The following MZT2A variants were observed in gnomAD, a reference collection of about 807,000 sequenced individuals.
MZT2A encodes mitotic spindle organizing protein 2A.
In MZT2A, 8 loss-of-function variants were observed where a neutral mutation model predicts 12.4. The ratio of observed to expected loss-of-function variants is 0.64; its 90% CI spans 0.38 to 1.16. The LOEUF (loss-of-function observed/expected upper bound fraction) is 1.16. MZT2A is among the 50% of genes most tolerant of loss of function. The pLI is 0.01. For synonymous variants in MZT2A, 88 were observed against 107.5 expected, an observed-to-expected ratio of 0.82 and a Z score of 1.12; for missense variants, 181 against 223.6, an observed-to-expected ratio of 0.81 and a Z score of 1.22.
downstream of MZT2A, chr2:131,479,950 T>C (rs1363647750): frequency 7.3e-7 from 1 of 1,378,734 alleles, no homozygotes; most frequent in African/African-American, 1.5e-5. Flanking sequence ...TGCATGTTTA[T>C]TATGGATGAT....
intron 2 of MZT2A, chr2:131,490,075 T>G: frequency 3.6e-6 from 3 of 842,810 alleles, no homozygotes; most frequent in Non-Finnish European, 4.3e-6. Flanking sequence ...CCACCCTCTC[T>G]TGGGCCTGAG....
chr2:131,485,201 T>C (rs939173449), intron 2 of MZT2A, among the ~76,000 whole-genome samples: 2 of 152,170 alleles, frequency 1.3e-5, no homozygotes, highest in African/African-American at 4.8e-5. Context: ...GACTCAGTGT[T>C]GGGTCCCCCA....
chr2:131,473,482 TTGGCCACCCTC>T (rs1678535974), intron 2 of MZT2A, among the ~76,000 whole-genome samples: 1 of 150,824 alleles, frequency 6.6e-6, no homozygotes, highest in Non-Finnish European at 1.5e-5. Flanking sequence ...AAGGGCCTGC[TTGGCCACCCTC>T]CAGGGAGATG....
intron 1 of MZT2A, 35 bp from the exon 2 acceptor site, chr2:131,492,059 T>C (rs1295857028): frequency 4.5e-6 from 7 of 1,557,600 alleles, no homozygotes; most frequent in African/African-American, 1.4e-5. Context: ...GTGAGCCCTC[T>C]CCGCCCGGCG....
At chr2:131,486,235 A>C (rs1335462758) in intron 2 of MZT2A, among the ~76,000 whole-genome samples, 26 of 152,042 alleles carry the variant, frequency 1.7e-4, no homozygotes, top group Admixed American at 1.7e-3. Flanking sequence ...CTTGTGGTAC[A>C]AACTGCCATA....
At chr2:131,484,304 T>C (rs1206808388) in intron 2 of MZT2A, 86 bp from the exon 3 acceptor site, 1 of 1,562,024 alleles carries the variant, frequency 6.4e-7, no homozygotes, top group Non-Finnish European at 8.7e-7. Flanking sequence ...TGGGCAACAT[T>C]TGTGTCTACA....
At chr2:131,482,764 G>A (rs781631398), downstream of MZT2A, 8 of 1,614,224 alleles carry the variant, frequency 5.0e-6, no homozygotes, top group East Asian at 1.6e-4. Context: ...AGGCCCGCGA[G>A]GACCTGGCAG....
At chr2:131,479,443 G>A (rs558929422), downstream of MZT2A, 10 of 1,614,004 alleles carry the variant, frequency 6.2e-6, no homozygotes, top group South Asian at 4.4e-5. Flanking sequence ...GTCCTGGACC[G>A]GATCCGCAAA....
chr2:131,479,753 T>C (rs1410794952), downstream of MZT2A, among the ~76,000 whole-genome samples: 1 of 152,044 alleles, frequency 6.6e-6, no homozygotes, highest in Non-Finnish European at 1.5e-5. Context: ...GGCAGGAGAA[T>C]TGCTTGAACC....
chr2:131,492,353 A>C lies in MZT2A; in HGVS notation c.24T>G (p.Pro8=), dbSNP rs752741745. The part of the protein sequence containing the change: MAAQGVG[P]GPGSAAPPGL... ...CCGGGGGCGCCGCCGACCCCGGCCC[A>C]GGCCCTACGCCCTGCGCCGCCATCC... Residue 8 remains proline, a synonymous_variant, in exon 1 of 3, where the codon CCT becomes CCG. Transcript: ENST00000309451. 15 of 1,481,200 alleles carry C rather than the reference A, an allele frequency of 1.0e-5. No individual in the cohort carries two copies. In the South Asian group the frequency reaches 1.8e-4, roughly 18 times the overall value. 91.8% of individuals were successfully genotyped at this position (1,481,200 alleles called of 1,614,324 possible).
chr2:131,490,624 TCAAAGCTG>T, intron 2 of MZT2A: 2 of 1,548,572 alleles, frequency 1.3e-6, no homozygotes, highest in Non-Finnish European at 1.7e-6. Context: ...CCCTTGCAGC[TCAAAGCTG>T]CTTGGGCCTC....
Position 131,490,464 on chromosome 2 carries a change from C to G in MZT2A, c.319+1412G>C, listed in dbSNP as rs566700006. 105 of 1,373,546 alleles carry G rather than the reference C, an allele frequency of 7.6e-5. 2 individuals carry two copies. The South Asian group carries it at 1.5e-3, about 20-fold the overall frequency. The allele number at this position is 1,373,546 out of a possible 1,614,324, so 85.1% of individuals were successfully genotyped here. ...GGGCTCTTTACACTCACCACTAGTT[C>G]GCCTCTGGGGTGTGGGGATGTTGGT... On this transcript the variant is annotated intron_variant, in intron 2 of 2. Transcript: ENST00000309451.
chr2:131,472,921 A>ACCG (rs776065657), intron 2 of MZT2A, among the ~76,000 whole-genome samples: 1 of 149,944 alleles, frequency 6.7e-6, no homozygotes. Context: ...GTCCCCCCCC[A>ACCG]CCAATATTAG....
upstream of MZT2A, chr2:131,493,012 A>G: frequency 2.7e-6 from 4 of 1,496,166 alleles, no homozygotes; most frequent in Non-Finnish European, 3.6e-6. Context: ...AACGGCCCAA[A>G]GAGGTAGAAG....
At chr2:131,483,530 A>G (rs1435569884), downstream of MZT2A, among the ~76,000 whole-genome samples, 2 of 152,018 alleles carry the variant, frequency 1.3e-5, no homozygotes, top group East Asian at 1.9e-4. Context: ...CCTAGCTAAC[A>G]TGGTGAAACC....
At chr2:131,492,162 T>C in intron 1 of MZT2A, 45 bp downstream of exon 1, 1 of 1,534,934 alleles carries the variant, frequency 6.5e-7, no homozygotes, top group Non-Finnish European at 8.8e-7. Context: ...AGAGCAGAGG[T>C]CGGGGGTGTC....
rs917234580 is a variant in MZT2A, at chr2:131,492,356, C to A, written c.21G>T (p.Gly7=). The A allele has an allele frequency of 1.4e-6, 2 of 1,399,514 alleles. No individual in the cohort carries two copies. The highest frequency in any genetic ancestry group is 3.0e-5 in the East Asian group (1 of 33,262). The allele number at this position is 1,399,514 out of a possible 1,614,324, so 86.7% of individuals were successfully genotyped here. A position where few individuals can be genotyped will look rare whatever the true frequency, so the allele number is the denominator to read the frequency against. Residue 7 remains glycine, a synonymous_variant, in exon 1 of 3, where the codon GGG becomes GGT. Coordinates refer to ENST00000309451, the MANE Select transcript of MZT2A (RefSeq NM_001085365.2). MAAQGV[G]PGPGSAAPPG... ...GGGGCGCCGCCGACCCCGGCCCAGGCCCTACGCCCTGCGCCGCCATCCGCG... is the reference window on the plus strand; with the variant it reads ...GGGGCGCCGCCGACCCCGGCCCAGGACCTACGCCCTGCGCCGCCATCCGCG...
chr2:131,493,039 C>T, upstream of MZT2A: 1 of 1,484,766 alleles, frequency 6.7e-7, no homozygotes, highest in African/African-American at 1.4e-5. Context: ...TCCCGCCCGG[C>T]CGCGGGGCGT....
At chr2:131,486,055 G>A (rs1679038700) in intron 2 of MZT2A, among the ~76,000 whole-genome samples, 1 of 151,188 alleles carries the variant, frequency 6.6e-6, no homozygotes, top group Non-Finnish European at 1.5e-5. Context: ...GCGGTGTCAT[G>A]CTGGGAACTC....
Sources: allele counts gnomAD v4.1 joint callset (sites outside exome capture counted in the v4.1 genomes callset), GRCh38; gene constraint gnomAD v4.1.1; transcripts MANE v1.5; gene names NCBI Gene and HGNC (gene_info 2026-07-23, HGNC 2026-07-21).